Variants in PITPNB observed in about 807,000 individuals in gnomAD.
PITPNB encodes the protein phosphatidylinositol transfer protein beta isoform.
PITPNB carries 16 observed loss-of-function variants against 45.9 expected under a neutral mutation model. That is an observed-to-expected ratio of 0.35 (90% CI 0.24 to 0.53). The LOEUF (loss-of-function observed/expected upper bound fraction) is 0.53. Ranked by LOEUF, PITPNB falls within the 20% of genes least tolerant of loss-of-function variation. PITPNB has a pLI of 0.93. For missense variants in PITPNB, 188 were observed against 330.5 expected (o/e 0.57, Z 3.34); for synonymous variants, 112 against 108.9 (o/e 1.03, Z -0.18).
intron 7 of PITPNB, among the ~76,000 whole-genome samples, chr22:27,892,863 G>A (rs956751123): frequency 6.6e-6 from 1 of 152,126 alleles, no homozygotes; most frequent in Non-Finnish European, 1.5e-5. Context: ...GCAGGAAGGG[G>A]GCCCTAGCAG....
intron 7 of PITPNB, among the ~76,000 whole-genome samples, chr22:27,893,431 CCCA>C (rs1325021177): frequency 1.3e-5 from 2 of 151,186 alleles, no homozygotes; most frequent in Admixed American, 6.6e-5. Context: ...ACTATAGGCG[CCCA>C]CCACCATACC....
Position 27,914,247 on chromosome 22 carries a change from G to A in PITPNB, c.51+70C>T. ...AGGTAAATCAATACTACGAAAATGT[G>A]AGTTTAGAGTAACATATCAAAGTAC... On this transcript the variant is annotated intron_variant, in intron 2 of 11. Coordinates refer to ENST00000335272, the MANE Select transcript of PITPNB (RefSeq NM_012399.5). 3 of 902,046 alleles carry A rather than the reference G, an allele frequency of 3.3e-6. No homozygotes were observed. In the South Asian group the frequency reaches 4.1e-5, roughly 12 times the overall value. The allele number at this position is 902,046 out of a possible 1,614,324, so 55.9% of individuals were successfully genotyped here.
chr22:27,897,216 A>C (rs916295694), intron 4 of PITPNB, 79 bp from the exon 5 acceptor site: 1 of 913,442 alleles, frequency 1.1e-6, no homozygotes, highest in African/African-American at 1.6e-5. Context: ...ATCTGTCCCA[A>C]TACTTAATGT....
chr22:27,883,686 A>C (rs1468055976), intron 7 of PITPNB, among the ~76,000 whole-genome samples: 1 of 152,234 alleles, frequency 6.6e-6, no homozygotes, highest in East Asian at 1.9e-4. Flanking sequence ...CAAGCTCTGA[A>C]GTTAGCTAAA....
intron 1 of PITPNB, among the ~76,000 whole-genome samples, chr22:27,916,080 T>C (rs1362700914): frequency 1.3e-5 from 2 of 152,058 alleles, no homozygotes; most frequent in Non-Finnish European, 2.9e-5. Context: ...GAAAGAAGAG[T>C]TAGTCTTCCC....
chr22:27,883,867 G>A (rs1053896005), intron 7 of PITPNB, among the ~76,000 whole-genome samples: 1 of 152,158 alleles, frequency 6.6e-6, no homozygotes, highest in African/African-American at 2.4e-5. Context: ...GGGACAGGAC[G>A]GGGGAGGTGT....
intron 1 of PITPNB, among the ~76,000 whole-genome samples, chr22:27,915,180 T>C (rs1936041005): frequency 6.6e-6 from 1 of 152,228 alleles, no homozygotes; most frequent in South Asian, 2.1e-4. Context: ...CTCATAATTA[T>C]AGTTGGTTCC....
chr22:27,898,776 A>G, intron 3 of PITPNB, among the ~76,000 whole-genome samples: 1 of 152,236 alleles, frequency 6.6e-6, no homozygotes, highest in East Asian at 1.9e-4. Context: ...GAAAGGTTCA[A>G]TACATGATTA....
At chr22:27,856,899 G>A (rs2146344851) in intron 10 of PITPNB, among the ~76,000 whole-genome samples, 1 of 152,262 alleles carries the variant, frequency 6.6e-6, no homozygotes, top group East Asian at 1.9e-4. Context: ...GGTAGCGAGG[G>A]CCAGGGGGGT....
chr22:27,889,149 T>C (rs1935203629), intron 7 of PITPNB, among the ~76,000 whole-genome samples: 1 of 152,158 alleles, frequency 6.6e-6, no homozygotes, highest in Non-Finnish European at 1.5e-5. Flanking sequence ...CCCCTTATTC[T>C]AGTTGCTCCA....
chr22:27,905,186 G>A (rs1470244508), intron 3 of PITPNB, among the ~76,000 whole-genome samples: 1 of 152,052 alleles, frequency 6.6e-6, no homozygotes, highest in Non-Finnish European at 1.5e-5. Flanking sequence ...TCTCACTCTT[G>A]TCTCCCAGGC....
chr22:27,906,446 G>A (rs1324001864), intron 3 of PITPNB, among the ~76,000 whole-genome samples: 2 of 152,152 alleles, frequency 1.3e-5, no homozygotes, highest in African/African-American at 4.8e-5. Context: ...TTAACTTCAG[G>A]AAATGGAAAA....
chr22:27,901,827 T>G (rs906028497), intron 3 of PITPNB, among the ~76,000 whole-genome samples: 1 of 152,006 alleles, frequency 6.6e-6, no homozygotes, highest in Admixed American at 6.6e-5. Flanking sequence ...GACGCTGCAG[T>G]GAGCCAAGAT....
At chr22:27,909,997 C>A (rs1448330254) in intron 3 of PITPNB, among the ~76,000 whole-genome samples, 1 of 148,364 alleles carries the variant, frequency 6.7e-6, no homozygotes, top group African/African-American at 2.5e-5. Context: ...TGTCACCAGG[C>A]TGGAGTGCAG....
At chr22:27,859,064 T>C (rs1374428427) in intron 9 of PITPNB, among the ~76,000 whole-genome samples, 1 of 152,160 alleles carries the variant, frequency 6.6e-6, no homozygotes, top group African/African-American at 2.4e-5. Context: ...GCGGTTTCAA[T>C]TGATGGATTA....
At chr22:27,881,270 A>ATC (rs1934964601) in intron 7 of PITPNB, among the ~76,000 whole-genome samples, 1 of 152,226 alleles carries the variant, frequency 6.6e-6, no homozygotes, top group Non-Finnish European at 1.5e-5. Context: ...AAGCATAAGC[A>ATC]AAATCACTGC....
chr22:27,858,436 A>G lies in PITPNB; in HGVS notation c.719T>C (p.Met240Thr). 1 of 1,609,978 alleles carries G rather than the reference A, an allele frequency of 6.2e-7. No individual in the cohort carries two copies. Among genetic ancestry groups the G allele is most frequent in the Non-Finnish European group, 8.5e-7 (1 of 1,176,724 alleles). ...CWIDKWIDLTMEDIRRMEDET... is the reference protein window; with the variant it reads ...CWIDKWIDLTTEDIRRMEDET... ...GTCTTCCATTCTCCTAATGTCTTCC[A>G]TCGTGAGATCGATCCACTTGTCAAT... is the stretch of plus-strand genomic sequence containing the variant. The change falls in exon 10 of 12, where the codon ATG becomes ACG. Residue 240 changes from methionine (M) to threonine (T), a missense_variant. Met to Thr is a moderately conservative substitution (Grantham distance 81). Transcript: ENST00000335272.
chr22:27,909,207 C>CTTTTTTTTTTTTTTTTTTTTTTTT (rs34224616), intron 3 of PITPNB, among the ~76,000 whole-genome samples: 11 of 82,240 alleles, frequency 1.3e-4, no homozygotes, highest in Admixed American at 3.2e-4. Flanking sequence ...ACTGGTAGTA[C>CTTTTTTTTTTTTTTTTTTTTTTTT]TTTTTTTTTT....
rs1313016407 is a variant in PITPNB at position 27,912,597 on chromosome 22, T to C, written c.52-1488A>G. Among the ~76,000 whole-genome samples the C allele has an allele frequency of 4.6e-5, 7 of 151,976 alleles. No individual in the cohort carries two copies. The South Asian group carries it at 1.2e-3, about 27-fold the overall frequency. ...GTTAATGGACTGACATTTCATGGCA[T>C]GCTACTTAGTTTTCTCTCATTCTCC... On this transcript the variant is annotated intron_variant, in intron 2 of 11. Transcript: ENST00000335272.
Sources: allele counts gnomAD v4.1 joint callset (sites outside exome capture counted in the v4.1 genomes callset), GRCh38; gene constraint gnomAD v4.1.1; transcripts MANE v1.5; gene names NCBI Gene and HGNC (gene_info 2026-07-23, HGNC 2026-07-21).